Variants in PPFIA2 observed in about 807,000 individuals in gnomAD.
The protein encoded by PPFIA2 is PPFI scaffold protein A2, also known as liprin-alpha-2.
In PPFIA2, 46 loss-of-function variants were observed where a neutral mutation model predicts 175.5. The ratio of observed to expected loss-of-function variants is 0.26; its 90% CI spans 0.21 to 0.34. PPFIA2 has a LOEUF of 0.34. Among genes scored for constraint, PPFIA2 ranks in the 10% least tolerant of loss-of-function variants. PPFIA2 has a pLI of 1.00. For missense variants in PPFIA2, 1,179 were observed against 1,506.1 expected (o/e 0.78, Z 3.60); for synonymous variants, 568 against 511.4 (o/e 1.11, Z -1.49).
chr12:81,571,895 A>T (rs551938958), intron 4 of PPFIA2, among the ~76,000 whole-genome samples: 1 of 152,100 alleles, frequency 6.6e-6, no homozygotes. Flanking sequence ...AGTGTATTCC[A>T]TCTACTTCTT....
chr12:81,440,837 A>AT (rs2050058135), intron 6 of PPFIA2, among the ~76,000 whole-genome samples: 3 of 147,496 alleles, frequency 2.0e-5, no homozygotes, highest in African/African-American at 7.7e-5. Context: ...TATATATAAA[A>AT]CAATTCAGAG....
At chr12:81,639,921 A>G (rs1220354767) in intron 4 of PPFIA2, among the ~76,000 whole-genome samples, 1 of 152,162 alleles carries the variant, frequency 6.6e-6, no homozygotes, top group African/African-American at 2.4e-5. Flanking sequence ...TAAAATGAAT[A>G]TAAGTTTGCT....
intron 3 of PPFIA2, among the ~76,000 whole-genome samples, chr12:81,744,819 G>A (rs1482290918): frequency 6.6e-6 from 1 of 152,196 alleles, no homozygotes; most frequent in Non-Finnish European, 1.5e-5. Context: ...ACAAGATGAA[G>A]AAGAGGGCTC....
chr12:81,582,946 T>A (rs538703774), intron 4 of PPFIA2, among the ~76,000 whole-genome samples: 1 of 151,978 alleles, frequency 6.6e-6, no homozygotes, highest in South Asian at 2.1e-4. Flanking sequence ...AAATATATTT[T>A]CAATAAAAAT....
chr12:81,748,994 T>C (rs919940517), intron 3 of PPFIA2, among the ~76,000 whole-genome samples: 2 of 144,250 alleles, frequency 1.4e-5, no homozygotes, highest in Non-Finnish European at 3.1e-5. Context: ...TTGATTGCTA[T>C]TTAATCTTTT....
intron 4 of PPFIA2, among the ~76,000 whole-genome samples, chr12:81,612,295 C>A (rs1476613427): frequency 4.6e-5 from 7 of 152,134 alleles, no homozygotes; most frequent in Admixed American, 3.9e-4. Flanking sequence ...ACTTGTAGTG[C>A]TCATTCTTTC....
At chr12:81,629,619 G>A (rs764312622) in intron 4 of PPFIA2, among the ~76,000 whole-genome samples, 3 of 152,124 alleles carry the variant, frequency 2.0e-5, no homozygotes, top group Non-Finnish European at 4.4e-5. Context: ...AGGATGAAAC[G>A]CTTAGGAGTA....
chr12:81,383,994 A>G (rs754339644), intron 9 of PPFIA2, 29 bp downstream of exon 9: 1 of 1,539,262 alleles, frequency 6.5e-7, no homozygotes, highest in Non-Finnish European at 9.0e-7. Context: ...TTCAGAAATC[A>G]AAGACTGAAA....
At chr12:81,653,367 C>T (rs2067294515) in intron 4 of PPFIA2, among the ~76,000 whole-genome samples, 1 of 152,046 alleles carries the variant, frequency 6.6e-6, no homozygotes, top group African/African-American at 2.4e-5. Context: ...TGTTCCTTGT[C>T]TTAGTATCTT....
At chr12:81,758,329 G>A in intron 2 of PPFIA2, 71 bp downstream of exon 2, 1 of 453,000 alleles carries the variant, frequency 2.2e-6, no homozygotes, top group Non-Finnish European at 4.5e-6. Flanking sequence ...CCTGGGGGCG[G>A]GGTGGGGCCG....
intron 4 of PPFIA2, among the ~76,000 whole-genome samples, chr12:81,479,381 A>G (rs1334461177): frequency 6.6e-6 from 1 of 152,040 alleles, no homozygotes; most frequent in Admixed American, 6.6e-5. Flanking sequence ...TCTTTATCCA[A>G]TTTGCCAGTC....
intron 4 of PPFIA2, among the ~76,000 whole-genome samples, chr12:81,465,052 GCA>G (rs1230940352): frequency 1.3e-5 from 2 of 152,090 alleles, no homozygotes; most frequent in African/African-American, 4.8e-5. Context: ...AGGAGAAGCT[GCA>G]TGGTAAGAGG....
intron 9 of PPFIA2, among the ~76,000 whole-genome samples, chr12:81,382,489 C>T (rs148029524): frequency 1.9e-3 from 289 of 152,204 alleles, no homozygotes; most frequent in Admixed American, 3.7e-3. Flanking sequence ...AACAGATGAC[C>T]ATTGAAATAA....
rs148277966 is a variant in PPFIA2, at chr12:81,400,518, T to C, written c.762+5269A>G. On this transcript the variant is annotated intron_variant, in intron 8 of 32. Coordinates refer to ENST00000549396, the MANE Select transcript of PPFIA2 (RefSeq NM_003625.5). ...GCCACTGATTCTTCATTTTGCTTTA[T>C]GTACTTTTTTGTCCATAATTCTTCT... 4.6e-5 allele frequency among the ~76,000 whole-genome samples: 7 copies of C among 152,318 alleles called. No individual in the cohort carries two copies. In the East Asian group the frequency reaches 1.2e-3, roughly 25 times the overall value.
chr12:81,362,402 C>A (rs866870518), intron 15 of PPFIA2, among the ~76,000 whole-genome samples: 1 of 151,186 alleles, frequency 6.6e-6, no homozygotes, highest in African/African-American at 2.4e-5. Flanking sequence ...TCTCCCTGTA[C>A]ACAGTTCAAT....
intron 4 of PPFIA2, among the ~76,000 whole-genome samples, chr12:81,629,242 G>A (rs553296085): frequency 6.6e-6 from 1 of 152,100 alleles, no homozygotes; most frequent in Admixed American, 6.5e-5. Context: ...CATTGAATGA[G>A]CTTCAATATT....
intron 28 of PPFIA2, among the ~76,000 whole-genome samples, chr12:81,271,658 A>T (rs145800148): frequency 6.6e-6 from 1 of 152,324 alleles, no homozygotes; most frequent in East Asian, 1.9e-4. Context: ...AGAGTCTACT[A>T]TAAATTATTC....
intron 28 of PPFIA2, among the ~76,000 whole-genome samples, chr12:81,276,117 T>A (rs189253730): frequency 6.6e-6 from 1 of 152,224 alleles, no homozygotes. Flanking sequence ...GTGGATTGAT[T>A]ATTTTTAGCA....
intron 11 of PPFIA2, among the ~76,000 whole-genome samples, chr12:81,372,529 A>AC (rs2035408863): frequency 1.4e-5 from 2 of 146,158 alleles, no homozygotes; most frequent in African/African-American, 2.5e-5. Flanking sequence ...AAAAAAAAAA[A>AC]CAGATATAAA....
Sources: gnomAD v4.1 joint callset for allele counts (sites outside exome capture counted in the v4.1 genomes callset) on GRCh38, gnomAD v4.1.1 for gene constraint, MANE v1.5 for transcripts, NCBI Gene and HGNC (gene_info 2026-07-23, HGNC 2026-07-21) for gene names.